The following MBNL2 variants were observed in gnomAD, a reference collection of about 807,000 sequenced individuals.
MBNL2 encodes muscleblind like splicing regulator 2, also known as muscleblind-like protein 2.
Under a neutral mutation model 41.9 loss-of-function variants are expected in MBNL2, and 17 were observed. That is an observed-to-expected ratio of 0.41 (90% confidence interval 0.28 to 0.61). MBNL2 has a LOEUF of 0.61. Ranked by LOEUF, MBNL2 falls within the 20% of genes least tolerant of loss-of-function variation. The pLI is 0.35. For synonymous variants in MBNL2, 195 were observed against 182.9 expected (o/e 1.07, Z -0.53); for missense variants, 336 against 505.6 (o/e 0.66, Z 3.22).
At chr13:97,196,636 G>A in the MBNL2 span, among the ~76,000 whole-genome samples, 2 of 152,130 alleles carry the variant, frequency 1.3e-5, no homozygotes, top group Non-Finnish European at 2.9e-5. Flanking sequence ...TTCTAGAAAC[G>A]ATGCTCAAAA....
intron 1 of MBNL2, among the ~76,000 whole-genome samples, chr13:97,272,017 G>A (rs2051134916): frequency 6.6e-6 from 1 of 152,098 alleles, no homozygotes; most frequent in African/African-American, 2.4e-5. Flanking sequence ...TTCCACAATG[G>A]TTGAACTAAT....
At chr13:97,365,778 C>T (rs77651712) in intron 8 of MBNL2, among the ~76,000 whole-genome samples, 2,404 of 152,178 alleles carry the variant, frequency 0.016, 60 homozygotes, top group African/African-American at 0.047. Flanking sequence ...TTGGTACAAA[C>T]GTCTGTCTTT....
At chr13:97,324,432 A>C (rs2059752106) in intron 2 of MBNL2, among the ~76,000 whole-genome samples, 1 of 152,166 alleles carries the variant, frequency 6.6e-6, no homozygotes, top group African/African-American at 2.4e-5. Context: ...GAGAAATTCC[A>C]AGGCTCAGAT....
chr13:97,150,242 A>G, the MBNL2 span, among the ~76,000 whole-genome samples: 3 of 152,230 alleles, frequency 2.0e-5, no homozygotes, highest in Non-Finnish European at 2.9e-5. Context: ...TTTGTTCTTC[A>G]GAGTTATCCA....
At chr13:97,318,573 CTATG>C (rs758746476) in intron 2 of MBNL2, among the ~76,000 whole-genome samples, 5 of 152,194 alleles carry the variant, frequency 3.3e-5, no homozygotes, top group Non-Finnish European at 5.9e-5. Context: ...TTATTACCAT[CTATG>C]TAATTCCTTT....
At chr13:97,362,987 G>C (rs2063535375) in intron 7 of MBNL2, 1 of 152,244 alleles carries the variant, frequency 6.6e-6, no homozygotes, top group African/African-American at 2.4e-5. Flanking sequence ...ATGCCCATCA[G>C]GCATCTTCTG....
intron 1 of MBNL2, among the ~76,000 whole-genome samples, chr13:97,264,530 C>T (rs2049338016): frequency 6.6e-6 from 1 of 152,094 alleles, no homozygotes; most frequent in Non-Finnish European, 1.5e-5. Flanking sequence ...TTTTAAAATA[C>T]ATATTATTTA....
chr13:97,232,625 G>C (rs940124070), intron 1 of MBNL2, among the ~76,000 whole-genome samples: 1 of 152,114 alleles, frequency 6.6e-6, no homozygotes, highest in African/African-American at 2.4e-5. Context: ...AGCAAAAAGG[G>C]TTTGCTTTAG....
the MBNL2 span, among the ~76,000 whole-genome samples, chr13:97,157,837 G>A: frequency 6.6e-6 from 1 of 151,884 alleles, no homozygotes; most frequent in South Asian, 2.1e-4. Flanking sequence ...GTTCATCAAG[G>A]ATATTGGTCT....
intron 1 of MBNL2, among the ~76,000 whole-genome samples, chr13:97,272,371 G>T (rs1049088856): frequency 6.6e-6 from 1 of 152,036 alleles, no homozygotes; most frequent in South Asian, 2.1e-4. Context: ...AAATGGGTGG[G>T]TTGCAAAAAT....
chr13:97,156,664 A>G, the MBNL2 span, among the ~76,000 whole-genome samples: 4 of 144,898 alleles, frequency 2.8e-5, no homozygotes, highest in Admixed American at 6.9e-5. Flanking sequence ...TCCTTTCCCC[A>G]TTGCTTGTTT....
chr13:97,287,924 T>TC (rs1332507023), intron 2 of MBNL2, among the ~76,000 whole-genome samples: 1 of 121,542 alleles, frequency 8.2e-6, no homozygotes, highest in Non-Finnish European at 1.7e-5. Flanking sequence ...TTCTGTTTTT[T>TC]TTTTGTTTTG....
the MBNL2 span, among the ~76,000 whole-genome samples, chr13:97,174,187 G>A: frequency 6.6e-6 from 1 of 152,124 alleles, no homozygotes; most frequent in Non-Finnish European, 1.5e-5. Context: ...AGCTGCTTCT[G>A]GAATGAAGCT....
At chr13:97,226,783 C>T (rs1241339101) in intron 1 of MBNL2, among the ~76,000 whole-genome samples, 7 of 152,006 alleles carry the variant, frequency 4.6e-5, no homozygotes, top group African/African-American at 1.7e-4. Flanking sequence ...AAATATGAAG[C>T]TACTGAGAGC....
chr13:97,178,409 A>T, the MBNL2 span, among the ~76,000 whole-genome samples: 93 of 152,358 alleles, frequency 6.1e-4, no homozygotes, highest in Middle Eastern at 0.01. Context: ...GTAATAGTGT[A>T]CTTTGTGGCT....
chr13:97,232,849 C>CTGTGTGTGTGTG (rs1424948508), intron 1 of MBNL2, among the ~76,000 whole-genome samples: 1 of 97,752 alleles, frequency 1.0e-5, no homozygotes, highest in African/African-American at 5.8e-5. Flanking sequence ...ACTCTTGACG[C>CTGTGTGTGTGTG]TATGTGTGTG....
At chr13:97,237,770 G>A (rs1253169993) in intron 1 of MBNL2, among the ~76,000 whole-genome samples, 5 of 152,236 alleles carry the variant, frequency 3.3e-5, no homozygotes, top group Admixed American at 3.3e-4. Flanking sequence ...TCAGAATGCA[G>A]CAGAGAGCCA....
chr13:97,238,188 C>T (rs1002143944), intron 1 of MBNL2, among the ~76,000 whole-genome samples: 1 of 152,170 alleles, frequency 6.6e-6, no homozygotes, highest in South Asian at 2.1e-4. Context: ...ATTTGGAATT[C>T]ATCCACAGAA....
intron 2 of MBNL2, among the ~76,000 whole-genome samples, chr13:97,311,432 C>A (rs1044333237): frequency 1.1e-4 from 17 of 152,042 alleles, no homozygotes; most frequent in African/African-American, 1.4e-4. Flanking sequence ...AGCGTGAATC[C>A]CCTCTCACCA....
Sources: allele counts gnomAD v4.1 joint callset (sites outside exome capture counted in the v4.1 genomes callset), GRCh38; gene constraint gnomAD v4.1.1; transcripts MANE v1.5; gene names NCBI Gene and HGNC (gene_info 2026-07-23, HGNC 2026-07-21).